DAB1: variants seen among roughly 807,000 people sequenced by gnomAD.
DAB1 encodes the protein DAB adaptor protein 1, also known as disabled homolog 1.
A neutral mutation model predicts 64.6 loss-of-function variants in DAB1; 15 were observed. That is an observed-to-expected ratio of 0.23 (90% CI 0.16 to 0.36). DAB1 has a LOEUF of 0.36. DAB1 is among the 10% of genes least tolerant of loss of function. The pLI is 1.00. For synonymous variants in DAB1, 235 were observed against 251.9 expected, an observed-to-expected ratio of 0.93 and a Z score of 0.64; for missense variants, 596 against 706.7, an observed-to-expected ratio of 0.84 and a Z score of 1.78.
At chr1:57,073,647 G>A (rs1165671265) in intron 4 of DAB1, among the ~76,000 whole-genome samples, 1 of 152,010 alleles carries the variant, frequency 6.6e-6, no homozygotes, top group African/African-American at 2.4e-5. Context: ...TAAACACAAG[G>A]CACCCACTGT....
chr1:58,442,984 CTG>C (rs1422382430), intron 3 of DAB1, among the ~76,000 whole-genome samples: 1 of 152,178 alleles, frequency 6.6e-6, no homozygotes, highest in Non-Finnish European at 1.5e-5. Context: ...GCTTAGAAAA[CTG>C]TAGATGTTTA....
intron 6 of DAB1, among the ~76,000 whole-genome samples, chr1:57,721,775 C>T (rs547902521): frequency 6.6e-6 from 1 of 152,230 alleles, no homozygotes; most frequent in African/African-American, 2.4e-5. Context: ...GAGGAGCGTT[C>T]GGCATGCTGT....
At chr1:58,033,272 C>A (rs1203147364) in intron 5 of DAB1, among the ~76,000 whole-genome samples, 1 of 152,156 alleles carries the variant, frequency 6.6e-6, no homozygotes, top group Non-Finnish European at 1.5e-5. Flanking sequence ...ACAGAAGATC[C>A]TTCTGTCTCA....
intron 1 of DAB1, chr1:57,864,653 A>ATTT (rs1557524854): frequency 3.1e-5 from 3 of 97,894 alleles, no homozygotes; most frequent in African/African-American, 6.3e-5. Flanking sequence ...TTTTTAAAAA[A>ATTT]ATTTATTTAT....
chr1:57,750,994 G>A (rs1648525707), intron 6 of DAB1, among the ~76,000 whole-genome samples: 1 of 152,066 alleles, frequency 6.6e-6, no homozygotes, highest in African/African-American at 2.4e-5. Flanking sequence ...TCCTCCTGGG[G>A]GATACTGTTT....
chr1:57,614,042 A>G (rs1289841543), intron 7 of DAB1, among the ~76,000 whole-genome samples: 1 of 152,194 alleles, frequency 6.6e-6, no homozygotes. Flanking sequence ...GGCATGTTGC[A>G]TAAAGGAGAG....
intron 7 of DAB1, among the ~76,000 whole-genome samples, chr1:57,550,182 G>C (rs1362958623): frequency 6.6e-6 from 1 of 152,130 alleles, no homozygotes; most frequent in Non-Finnish European, 1.5e-5. Context: ...TTCCTCAAGG[G>C]CACTTGAGAG....
intron 7 of DAB1, among the ~76,000 whole-genome samples, chr1:57,586,794 C>G (rs1412840831): frequency 7.4e-6 from 1 of 134,864 alleles, no homozygotes; most frequent in African/African-American, 2.8e-5. Context: ...TTGCAAACTC[C>G]TCAATACTTT....
At chr1:58,500,242 A>T (rs1645884446) in intron 3 of DAB1, among the ~76,000 whole-genome samples, 1 of 152,106 alleles carries the variant, frequency 6.6e-6, no homozygotes, top group Admixed American at 6.6e-5. Context: ...GCTTTATATG[A>T]TTCAGAAGCC....
At chr1:58,285,306 C>A (rs1344084247) in intron 4 of DAB1, among the ~76,000 whole-genome samples, 3 of 152,070 alleles carry the variant, frequency 2.0e-5, no homozygotes, top group South Asian at 2.1e-4. Context: ...CTGGCCAGAG[C>A]AATTGGGCAA....
intron 3 of DAB1, among the ~76,000 whole-genome samples, chr1:58,435,645 C>G (rs1644935207): frequency 6.6e-6 from 1 of 152,154 alleles, no homozygotes; most frequent in Non-Finnish European, 1.5e-5. Context: ...TGCCTAGCCC[C>G]CTTCTCATCT....
chr1:57,781,265 A>C (rs1650086296), intron 6 of DAB1, among the ~76,000 whole-genome samples: 1 of 150,776 alleles, frequency 6.6e-6, no homozygotes, highest in Admixed American at 6.6e-5. Flanking sequence ...ACATAGATAC[A>C]AACTTTCTCC....
chr1:57,700,237 A>G (rs1331762468), intron 6 of DAB1, among the ~76,000 whole-genome samples: 2 of 152,022 alleles, frequency 1.3e-5, no homozygotes, highest in African/African-American at 4.8e-5. Context: ...ATTTCCCTCA[A>G]CTGTATTCCT....
intron 1 of DAB1, among the ~76,000 whole-genome samples, chr1:57,399,545 T>G (rs957992239): frequency 1.3e-5 from 2 of 152,198 alleles, no homozygotes; most frequent in Non-Finnish European, 2.9e-5. Context: ...AGAATCCCAG[T>G]AATCTGGAGA....
intron 2 of DAB1, among the ~76,000 whole-genome samples, chr1:57,190,812 G>A (rs971532644): frequency 2.6e-5 from 4 of 152,180 alleles, no homozygotes; most frequent in African/African-American, 9.7e-5. Flanking sequence ...GACAGGTGAT[G>A]AGCTACACTG....
At chr1:57,968,265 T>C (rs937032501) in intron 5 of DAB1, among the ~76,000 whole-genome samples, 3 of 152,104 alleles carry the variant, frequency 2.0e-5, no homozygotes, top group Non-Finnish European at 4.4e-5. Flanking sequence ...GCTTTTGAGA[T>C]AGATTAAAAC....
rs7544780 is a variant in DAB1 at position 58,542,777 on chromosome 1, C to A, written n.32+3926G>T. Among the ~76,000 whole-genome samples, 641 of 152,296 alleles carry A rather than the reference C, an allele frequency of 4.2e-3. 3 individuals are homozygous for A. The highest frequency in any genetic ancestry group is 0.015 in the African/African-American group (620 of 41,564). On this transcript the variant is annotated intron_variant and non_coding_transcript_variant, in intron 1 of 20. Coordinates refer to the DAB1 transcript ENST00000485760. Reference sequence around the variant, plus strand: ...TTTCCAAATGTGCATCTTACAGCCTCATTTTAGGGGACAGGCTTAGACGGC... The same window carrying A: ...TTTCCAAATGTGCATCTTACAGCCTAATTTTAGGGGACAGGCTTAGACGGC...
chr1:57,653,284 T>C (rs1012145017), intron 6 of DAB1, among the ~76,000 whole-genome samples: 1 of 152,236 alleles, frequency 6.6e-6, no homozygotes, highest in Admixed American at 6.5e-5. Context: ...GTTGTATTCA[T>C]AAACAATATA....
intron 3 of DAB1, among the ~76,000 whole-genome samples, chr1:58,482,205 G>A (rs1415707830): frequency 1.3e-5 from 2 of 152,180 alleles, no homozygotes; most frequent in African/African-American, 4.8e-5. Flanking sequence ...GTGTGACACT[G>A]GAAAGAGAGG....
Sources: gnomAD v4.1 joint callset for allele counts (sites outside exome capture counted in the v4.1 genomes callset) on GRCh38, gnomAD v4.1.1 for gene constraint, MANE v1.5 for transcripts, NCBI Gene and HGNC (gene_info 2026-07-23, HGNC 2026-07-21) for gene names.